The following RUNX2 variants were observed in gnomAD, a reference collection of about 807,000 sequenced individuals.
RUNX2 encodes RUNX family transcription factor 2.
Under a neutral mutation model 51.7 loss-of-function variants are expected in RUNX2, and 10 were observed. The observed-to-expected ratio is 0.19, with a 90% CI of 0.12 to 0.33. The LOEUF (loss-of-function observed/expected upper bound fraction) is 0.33. RUNX2 is among the 10% of genes least tolerant of loss of function. The probability of loss-of-function intolerance (pLI) is 1.00; values close to 1 mark genes in which losing one functional copy is unlikely to be tolerated. For synonymous variants in RUNX2, 276 were observed against 273.6 expected (o/e 1.01, Z -0.09); for missense variants, 562 against 691.3 (o/e 0.81, Z 2.10).
chr6:45,359,601 A>G (rs1793870411), intron 2 of RUNX2, among the ~76,000 whole-genome samples: 2 of 152,364 alleles, frequency 1.3e-5, no homozygotes, highest in South Asian at 4.1e-4. Context: ...ATCCAAAATT[A>G]TGAAATAACA....
chr6:45,337,468 G>A lies in RUNX2; in HGVS notation c.58+8684G>A, dbSNP rs193060778. On this transcript the variant is annotated intron_variant, in intron 2 of 8. Coordinates refer to ENST00000647337, the MANE Select transcript of RUNX2 (RefSeq NM_001024630.4). ...CTCTAAAAATACTCATTTCTAGAAG[G>A]CCAGAAAATCTTATTTTTTTAAGCT... 1.2e-4 allele frequency among the ~76,000 whole-genome samples: 18 copies of A among 151,808 alleles called. No homozygotes were observed. In the East Asian group the frequency reaches 3.3e-3, roughly 28 times the overall value.
At chr6:45,512,454 G>T in intron 7 of RUNX2, 47 bp downstream of exon 7, 1 of 1,601,980 alleles carries the variant, frequency 6.2e-7, no homozygotes, top group Non-Finnish European at 8.5e-7. Flanking sequence ...ACAGGGGTCG[G>T]GGGGAGTGGG....
At chr6:45,391,635 G>C (rs1241508696) in intron 2 of RUNX2, among the ~76,000 whole-genome samples, 3 of 152,184 alleles carry the variant, frequency 2.0e-5, no homozygotes, top group African/African-American at 7.2e-5. Context: ...GCATGGCTGG[G>C]GAGGTTTCAG....
At chr6:45,330,787 C>T (rs1303374914) in intron 2 of RUNX2, among the ~76,000 whole-genome samples, 3 of 151,774 alleles carry the variant, frequency 2.0e-5, no homozygotes, top group Non-Finnish European at 4.4e-5. Flanking sequence ...TCCCTCCCCG[C>T]CAGCCCCCAA....
chr6:45,468,796 A>G (rs576964126), intron 5 of RUNX2, among the ~76,000 whole-genome samples: 24 of 152,232 alleles, frequency 1.6e-4, no homozygotes, highest in Non-Finnish European at 2.8e-4. Flanking sequence ...GACAACTGGC[A>G]TCATTAGCCT....
chr6:45,460,720 G>A (rs1799450372), intron 5 of RUNX2, among the ~76,000 whole-genome samples: 1 of 151,630 alleles, frequency 6.6e-6, no homozygotes, highest in Non-Finnish European at 1.5e-5. Context: ...GATTGCACTT[G>A]TTAATAGCCA....
intron 5 of RUNX2, among the ~76,000 whole-genome samples, chr6:45,465,589 T>C (rs953243133): frequency 6.6e-6 from 1 of 152,004 alleles, no homozygotes; most frequent in Non-Finnish European, 1.5e-5. Context: ...TCTGTATCTG[T>C]AGGAACTTGA....
chr6:45,373,902 C>T (rs1345050507), intron 2 of RUNX2, among the ~76,000 whole-genome samples: 2 of 152,090 alleles, frequency 1.3e-5, no homozygotes, highest in Non-Finnish European at 2.9e-5. Flanking sequence ...AGTAATAGTG[C>T]CTATTATACA....
chr6:45,522,452 C>A (rs1801535796), intron 7 of RUNX2, among the ~76,000 whole-genome samples: 1 of 152,154 alleles, frequency 6.6e-6, no homozygotes, highest in Non-Finnish European at 1.5e-5. Flanking sequence ...AAACAACAAT[C>A]CCATTCAGCT....
At chr6:45,521,884 T>C (rs578226284) in intron 7 of RUNX2, among the ~76,000 whole-genome samples, 28 of 152,332 alleles carry the variant, frequency 1.8e-4, no homozygotes, top group African/African-American at 6.7e-4. Context: ...TTTGTTCTTT[T>C]GGTGACCATA....
chr6:45,523,444 A>C (rs544305654), intron 7 of RUNX2, among the ~76,000 whole-genome samples: 48 of 151,698 alleles, frequency 3.2e-4, no homozygotes, highest in African/African-American at 1.0e-3. Flanking sequence ...CTAATACAAA[A>C]ATTATTAGTA....
At chr6:45,503,598 A>C (rs563288778) in intron 6 of RUNX2, among the ~76,000 whole-genome samples, 17 of 152,004 alleles carry the variant, frequency 1.1e-4, no homozygotes, top group Non-Finnish European at 2.2e-4. Flanking sequence ...TTCTTGTCCC[A>C]CCCTTTTGTA....
Position 45,504,471 on chromosome 6 carries a change from C to G in RUNX2, c.860-7775C>G, listed in dbSNP as rs568516121. Among the ~76,000 whole-genome samples the G allele has an allele frequency of 1.2e-3, 178 of 152,322 alleles. 1 individual carries two copies. Among genetic ancestry groups the G allele is most frequent in the Admixed American group, 2.7e-3 (42 of 15,294 alleles). Reference sequence around the variant, plus strand: ...GTGCCAGAGCCTCCAGTCTAGGGCTCTTCCTATGCTTGGAGGAGGCCATTT... The same window carrying G: ...GTGCCAGAGCCTCCAGTCTAGGGCTGTTCCTATGCTTGGAGGAGGCCATTT... On this transcript the variant is annotated intron_variant, in intron 6 of 8. Coordinates refer to ENST00000647337, the MANE Select transcript of RUNX2 (RefSeq NM_001024630.4).
At chr6:45,373,926 T>C (rs1052122951) in intron 2 of RUNX2, among the ~76,000 whole-genome samples, 3 of 152,206 alleles carry the variant, frequency 2.0e-5, no homozygotes, top group Admixed American at 2.0e-4. Flanking sequence ...TCCATGCTGT[T>C]ACACAAAATT....
intron 2 of RUNX2, among the ~76,000 whole-genome samples, chr6:45,389,225 T>C (rs961721640): frequency 6.6e-6 from 1 of 152,254 alleles, no homozygotes; most frequent in African/African-American, 2.4e-5. Flanking sequence ...ATGACTGTGA[T>C]TTTTATATTG....
chr6:45,506,802 G>A (rs1403202670), intron 6 of RUNX2, among the ~76,000 whole-genome samples: 2 of 151,814 alleles, frequency 1.3e-5, no homozygotes, highest in Admixed American at 6.6e-5. Context: ...CACTGCACCC[G>A]GATAATTTTT....
chr6:45,369,876 G>T (rs1245565194), intron 2 of RUNX2, among the ~76,000 whole-genome samples: 2 of 152,126 alleles, frequency 1.3e-5, no homozygotes, highest in African/African-American at 4.8e-5. Context: ...TATAAGATCT[G>T]GGAGGGAGCT....
chr6:45,509,883 T>C (rs1414695319), intron 6 of RUNX2, among the ~76,000 whole-genome samples: 2 of 152,216 alleles, frequency 1.3e-5, no homozygotes, highest in African/African-American at 4.8e-5. Context: ...AACTGCTTGC[T>C]CAGGAAGTCA....
Position 45,422,497 on chromosome 6 carries a change from C to G in RUNX2, c.59-96C>G, listed in dbSNP as rs973227439. 5.1e-6 allele frequency: 3 copies of G among 585,654 alleles called. 1 individual carries two copies. The highest frequency in any genetic ancestry group is 5.3e-6 in the Non-Finnish European group (2 of 374,418). The allele number at this position is 585,654 out of a possible 1,614,324, so 36.3% of individuals were successfully genotyped here. A position where few individuals can be genotyped will look rare whatever the true frequency, so the allele number is the denominator to read the frequency against. ...CCTCTTTCCCCCCGTCTCGCCTTCA[C>G]CCCCCCAATTTCCTCCTTGCCCCTC... On this transcript the variant is annotated intron_variant, in intron 2 of 8. Coordinates refer to ENST00000647337, the MANE Select transcript of RUNX2 (RefSeq NM_001024630.4).
Sources: gnomAD v4.1 joint callset for allele counts (sites outside exome capture counted in the v4.1 genomes callset) on GRCh38, gnomAD v4.1.1 for gene constraint, MANE v1.5 for transcripts, NCBI Gene and HGNC (gene_info 2026-07-23, HGNC 2026-07-21) for gene names.